Variants in PALD1 observed in about 807,000 individuals in gnomAD.
The protein encoded by PALD1 is phosphatase domain containing paladin 1.
A neutral mutation model predicts 96.0 loss-of-function variants in PALD1; 57 were observed. That is an observed-to-expected ratio of 0.59 (90% confidence interval 0.48 to 0.74). The LOEUF is 0.74. Among genes scored for constraint, PALD1 ranks in the 30% least tolerant of loss-of-function variants. The pLI, the probability that PALD1 is intolerant of heterozygous loss-of-function variation, is 0.00. For synonymous variants in PALD1, 464 were observed against 473.6 expected (o/e 0.98, Z 0.26); for missense variants, 1,063 against 1,143.7 (o/e 0.93, Z 1.02).
intron 1 of PALD1, among the ~76,000 whole-genome samples, chr10:70,498,139 CCAA>C (rs1269336434): frequency 6.6e-6 from 1 of 152,150 alleles, no homozygotes; most frequent in Non-Finnish European, 1.5e-5. Flanking sequence ...CTGAATTTGA[CCAA>C]GGTATCTCAT....
At chr10:70,483,466 G>A in intron 1 of PALD1, among the ~76,000 whole-genome samples, 1 of 152,172 alleles carries the variant, frequency 6.6e-6, no homozygotes, top group Non-Finnish European at 1.5e-5. Flanking sequence ...GGCTCCCAGG[G>A]AGCTGGGGCT....
intron 19 of PALD1, among the ~76,000 whole-genome samples, chr10:70,564,959 C>T (rs1847815064): frequency 6.6e-6 from 1 of 152,224 alleles, no homozygotes; most frequent in Non-Finnish European, 1.5e-5. Flanking sequence ...GCCCCTTTCT[C>T]CCTCCAGCCG....
intron 8 of PALD1, 138 bp from the exon 9 acceptor site, chr10:70,534,287 C>A: frequency 1.3e-6 from 1 of 750,062 alleles, no homozygotes. Flanking sequence ...GGGGAAATGT[C>A]CCCTGCTTCC....
intron 18 of PALD1, among the ~76,000 whole-genome samples, chr10:70,556,287 T>A (rs1314121691): frequency 6.8e-6 from 1 of 146,494 alleles, no homozygotes; most frequent in Non-Finnish European, 1.5e-5. Context: ...GACCTCTCTC[T>A]CTCTCTCTCT....
intron 18 of PALD1, among the ~76,000 whole-genome samples, chr10:70,556,294 C>CTCTT: frequency 6.7e-6 from 1 of 149,174 alleles, no homozygotes; most frequent in Non-Finnish European, 1.5e-5. Flanking sequence ...CTCTCTCTCT[C>CTCTT]TCTCTCTCTC....
intron 1 of PALD1, among the ~76,000 whole-genome samples, chr10:70,501,834 T>TGTGTGTGTGCGCGC (rs774868338): frequency 6.7e-6 from 1 of 149,384 alleles, no homozygotes; most frequent in African/African-American, 2.5e-5. Context: ...TGTGTGTGTG[T>TGTGTGTGTGCGCGC]GCGTGCGTGC....
At chr10:70,531,943 A>G (rs1564699764) in intron 5 of PALD1, among the ~76,000 whole-genome samples, 1 of 151,472 alleles carries the variant, frequency 6.6e-6, no homozygotes, top group East Asian at 1.9e-4. Flanking sequence ...AGATCACACT[A>G]CTGCACTCCA....
In PALD1 at chr10:70,567,110, C is replaced by G. The variant is rs1029474570; in HGVS notation, c.*377C>G. 5.3e-6 allele frequency: 1 copy of G among 187,958 alleles called. No homozygotes were observed. Among genetic ancestry groups the G allele is most frequent in the East Asian group, 1.5e-4 (1 of 6,508 alleles). 11.6% of individuals were successfully genotyped at this position (187,958 alleles called of 1,614,324 possible). ...CTCTTCTCCCCTCTCTCAGATTGGC[C>G]TGGCAGCCCCTGGCACAGAGCAGAC... On this transcript the variant is annotated 3_prime_UTR_variant, in exon 20 of 20. Coordinates refer to ENST00000263563, the MANE Select transcript of PALD1 (RefSeq NM_014431.3).
chr10:70,534,906 T>C, intron 10 of PALD1, 63 bp downstream of exon 10: 2 of 1,095,696 alleles, frequency 1.8e-6, no homozygotes, highest in Non-Finnish European at 2.8e-6. Flanking sequence ...CTGATTTCAT[T>C]AGGCATGTTG....
intron 10 of PALD1, 24 bp downstream of exon 10, chr10:70,534,867 G>C: frequency 6.9e-7 from 1 of 1,453,442 alleles, no homozygotes. Context: ...GGACGTGTGA[G>C]CACTCTGCTT....
intron 17 of PALD1, among the ~76,000 whole-genome samples, chr10:70,541,858 A>T (rs34621118): frequency 0.11 from 16,172 of 152,126 alleles, 1,104 homozygotes; most frequent in South Asian, 0.17. Flanking sequence ...ACCTCCCAGC[A>T]CCTTCAACCC....
chr10:70,534,690 C>T (rs1589202869), intron 9 of PALD1, 49 bp from the exon 10 acceptor site: 1 of 1,356,626 alleles, frequency 7.4e-7, no homozygotes, highest in Non-Finnish European at 1.0e-6. Context: ...CTTGACCCTG[C>T]TCCCCACCCC....
chr10:70,501,771 A>G (rs894570386), intron 1 of PALD1, among the ~76,000 whole-genome samples: 1 of 149,516 alleles, frequency 6.7e-6, no homozygotes, highest in African/African-American at 2.5e-5. Flanking sequence ...AGTACGGTTC[A>G]CCATTGATGT....
intron 18 of PALD1, among the ~76,000 whole-genome samples, chr10:70,553,346 C>T (rs1363760035): frequency 1.3e-5 from 2 of 152,130 alleles, no homozygotes; most frequent in African/African-American, 4.8e-5. Flanking sequence ...ATGTTGGCTT[C>T]AGCAAGGCCT....
chr10:70,464,448 A>G, the PALD1 span, among the ~76,000 whole-genome samples: 3 of 151,588 alleles, frequency 2.0e-5, no homozygotes, highest in Non-Finnish European at 4.4e-5. Context: ...TCCTGACCTC[A>G]GGTGATCCAG....
chr10:70,460,669 C>A, the PALD1 span, among the ~76,000 whole-genome samples: 1 of 152,168 alleles, frequency 6.6e-6, no homozygotes, highest in South Asian at 2.1e-4. Flanking sequence ...TCCACCCTGG[C>A]CCCCCAGAAT....
chr10:70,564,569 T>C (rs751540751), intron 19 of PALD1, 50 bp downstream of exon 19: 2 of 1,574,008 alleles, frequency 1.3e-6, no homozygotes, highest in Admixed American at 1.7e-5. Context: ...CTCCTGCAGA[T>C]GGAGCTGGGT....
intron 1 of PALD1, among the ~76,000 whole-genome samples, chr10:70,499,322 G>C (rs1181873157): frequency 1.3e-5 from 2 of 152,128 alleles, no homozygotes; most frequent in Admixed American, 1.3e-4. Context: ...GTGTGGAGCT[G>C]ATTGGTGCCA....
intron 18 of PALD1, among the ~76,000 whole-genome samples, chr10:70,559,053 G>C (rs1207257474): frequency 6.6e-5 from 10 of 152,178 alleles, no homozygotes; most frequent in African/African-American, 2.4e-4. Context: ...AAGAAAGGCA[G>C]ACTTGGAGCT....
Sources: gnomAD v4.1 joint callset for allele counts (sites outside exome capture counted in the v4.1 genomes callset) on GRCh38, gnomAD v4.1.1 for gene constraint, MANE v1.5 for transcripts, NCBI Gene and HGNC (gene_info 2026-07-23, HGNC 2026-07-21) for gene names.